KIF15: variants seen among roughly 807,000 people sequenced by gnomAD.
The protein encoded by KIF15 is kinesin-like protein KIF15.
KIF15 carries 140 observed loss-of-function variants against 190.6 expected under a neutral mutation model. The observed-to-expected ratio is 0.73, with a 90% CI of 0.64 to 0.84. The LOEUF is 0.84. Ranked by LOEUF, KIF15 falls within the 40% of genes least tolerant of loss-of-function variation. The pLI, the probability that KIF15 is intolerant of heterozygous loss-of-function variation, is 0.00. For synonymous variants in KIF15, 528 were observed against 551.3 expected, an observed-to-expected ratio of 0.96 and a Z score of 0.59; for missense variants, 1,372 against 1,584.4, an observed-to-expected ratio of 0.87 and a Z score of 2.28.
intron 7 of KIF15, among the ~76,000 whole-genome samples, chr3:44,791,961 C>T (rs1706725257): frequency 6.6e-6 from 1 of 151,626 alleles, no homozygotes; most frequent in South Asian, 2.1e-4. Context: ...TCAGGTAATC[C>T]ACCTGCCTTG....
At chr3:44,864,913 T>G in intron 6 of KIF15, 2 of 1,283,556 alleles carry the variant, frequency 1.6e-6, no homozygotes, top group Non-Finnish European at 2.2e-6. Flanking sequence ...ACAGCTAGGT[T>G]TCAAGCCCAA....
intron 1 of KIF15, among the ~76,000 whole-genome samples, chr3:44,762,719 A>G (rs1029790801): frequency 2.6e-5 from 4 of 152,106 alleles, no homozygotes; most frequent in African/African-American, 7.2e-5. Context: ...CTTTCTGTCA[A>G]TTGTAGTCGT....
chr3:44,848,194 T>G (rs1233120831), intron 31 of KIF15, 137 bp downstream of exon 31: 1 of 634,994 alleles, frequency 1.6e-6, no homozygotes, highest in Non-Finnish European at 2.7e-6. Context: ...TTTAGCATGA[T>G]ATTTACCATT....
At chr3:44,824,755 GGTTT>G (rs546771922) in intron 20 of KIF15, among the ~76,000 whole-genome samples, 47 of 152,022 alleles carry the variant, frequency 3.1e-4, no homozygotes, top group Non-Finnish European at 4.3e-4. Context: ...ATACTTCCTA[GGTTT>G]GTTTGTTTGT....
At chr3:44,801,554 G>A in intron 12 of KIF15, 28 bp downstream of exon 12, 1 of 1,391,904 alleles carries the variant, frequency 7.2e-7, no homozygotes, top group Non-Finnish European at 1.0e-6. Context: ...TAATAAAGGA[G>A]ATTCAAGATA....
chr3:44,857,273 T>A (rs893383432), downstream of KIF15, among the ~76,000 whole-genome samples: 2 of 152,134 alleles, frequency 1.3e-5, no homozygotes, highest in African/African-American at 4.8e-5. Flanking sequence ...AGAAAGTATA[T>A]GCATCAAGTG....
chr3:44,848,451 A>G (rs1698945447), intron 31 of KIF15, 70 bp from the exon 32 acceptor site: 1 of 729,844 alleles, frequency 1.4e-6, no homozygotes, highest in South Asian at 1.7e-5. Flanking sequence ...GTTCCTTTCT[A>G]TCTTTTTTAA....
chr3:44,860,561 T>TG (rs1266157656), intron 6 of KIF15, among the ~76,000 whole-genome samples: 3 of 152,160 alleles, frequency 2.0e-5, no homozygotes, highest in African/African-American at 7.2e-5. Flanking sequence ...TTAGTAGAGA[T>TG]GGAGTTTCAC....
chr3:44,782,599 A>T (rs1315870135), intron 5 of KIF15, among the ~76,000 whole-genome samples: 3 of 152,222 alleles, frequency 2.0e-5, no homozygotes, highest in Admixed American at 2.0e-4. Context: ...TCTAGAAATT[A>T]TGCCAAAGGT....
intron 19 of KIF15, among the ~76,000 whole-genome samples, chr3:44,814,571 A>C (rs1449840627): frequency 1.3e-5 from 2 of 152,188 alleles, no homozygotes; most frequent in African/African-American, 4.8e-5. Flanking sequence ...TCAGCCTCAC[A>C]AAGTACTGGG....
chr3:44,774,316 A>C lies in KIF15; in HGVS notation c.20-79A>C, dbSNP rs1705770316. 3 of 1,283,872 alleles carry C rather than the reference A, an allele frequency of 2.3e-6. No homozygotes were observed. In the Admixed American group the frequency reaches 5.8e-5, roughly 25 times the overall value. 79.5% of individuals were successfully genotyped at this position (1,283,872 alleles called of 1,614,324 possible). On this transcript the variant is annotated intron_variant, in intron 1 of 34. Coordinates refer to ENST00000326047, the MANE Select transcript of KIF15 (RefSeq NM_020242.3). ...TCTGAGGAGGCTGAATGTAGCAGGC[A>C]ACCCAGGAACATGTTAGAGAAGAAT...
At chr3:44,776,588 G>A (rs181648870) in intron 3 of KIF15, among the ~76,000 whole-genome samples, 2 of 152,308 alleles carry the variant, frequency 1.3e-5, no homozygotes, top group East Asian at 1.9e-4. Flanking sequence ...GGTTAGTGAA[G>A]ATGCACTTTT....
At chr3:44,842,214 C>T (rs369425736) in intron 29 of KIF15, among the ~76,000 whole-genome samples, 1 of 151,788 alleles carries the variant, frequency 6.6e-6, no homozygotes, top group Non-Finnish European at 1.5e-5. Flanking sequence ...TTTTTTTAGT[C>T]TCTGATAAAT....
rs757773130 is a variant in KIF15, at chr3:44,864,215, G to A, written c.*60-9114G>A. On this transcript the variant is annotated intron_variant and NMD_transcript_variant, in intron 6 of 6. Transcript: ENST00000422209. ...CCTGCAGGTGAGCATGGGTTTATGCGTCTTAGGCATTATTGTGATGGCGAG... is the reference window on the plus strand; with the variant it reads ...CCTGCAGGTGAGCATGGGTTTATGCATCTTAGGCATTATTGTGATGGCGAG... 7.4e-5 allele frequency: 120 copies of A among 1,613,988 alleles called. No homozygotes were observed. Among genetic ancestry groups the A allele is most frequent in the Admixed American group, 5.0e-4 (30 of 60,012 alleles).
chr3:44,778,979 CAAAA>C (rs60269306), intron 4 of KIF15, among the ~76,000 whole-genome samples: 1 of 77,722 alleles, frequency 1.3e-5, no homozygotes, highest in African/African-American at 5.1e-5. Context: ...GACTCCGCCT[CAAAA>C]AAAAAAAAAA....
intron 26 of KIF15, among the ~76,000 whole-genome samples, chr3:44,837,167 A>G (rs1698362862): frequency 6.6e-6 from 1 of 152,216 alleles, no homozygotes; most frequent in Admixed American, 6.5e-5. Flanking sequence ...CAGTTTCACA[A>G]ATTAAAATAA....
intron 6 of KIF15, chr3:44,863,307 C>CCG (rs1699282524): frequency 9.2e-6 from 1 of 108,890 alleles, no homozygotes; most frequent in Non-Finnish European, 2.2e-5. Flanking sequence ...CGCACCCCCC[C>CCG]CCCCCGCCGC....
At chr3:44,843,691 AGT>A (rs1698717819) in intron 30 of KIF15, among the ~76,000 whole-genome samples, 1 of 152,054 alleles carries the variant, frequency 6.6e-6, no homozygotes. Flanking sequence ...CATCTCTCTG[AGT>A]GTGTTTTGGC....
chr3:44,773,197 A>G (rs557990857), intron 1 of KIF15, among the ~76,000 whole-genome samples: 223 of 151,756 alleles, frequency 1.5e-3, no homozygotes, highest in South Asian at 2.5e-3. Flanking sequence ...TGGAAAAAAG[A>G]AAAAAAAACT....
Sources: gnomAD v4.1 joint callset for allele counts (sites outside exome capture counted in the v4.1 genomes callset) on GRCh38, gnomAD v4.1.1 for gene constraint, MANE v1.5 for transcripts, NCBI Gene and HGNC (gene_info 2026-07-23, HGNC 2026-07-21) for gene names.